Variants in FOCAD observed in about 807,000 individuals in gnomAD.
FOCAD encodes the protein focadhesin, also known as KIAA1797.
FOCAD carries 198 observed loss-of-function variants against 225.6 expected under a neutral mutation model. The observed-to-expected ratio is 0.88, with a 90% CI of 0.78 to 0.99. FOCAD has a LOEUF of 0.99. Ranked by LOEUF, FOCAD falls within the 50% of genes least tolerant of loss-of-function variation. FOCAD has a pLI of 0.00. For synonymous variants in FOCAD, 897 were observed against 755.0 expected (o/e 1.19, Z -3.08); for missense variants, 2,713 against 2,123.6 (o/e 1.28, Z -5.46).
chr9:20,889,019 A>G (rs531012162), intron 21 of FOCAD, among the ~76,000 whole-genome samples: 2 of 152,200 alleles, frequency 1.3e-5, no homozygotes, highest in Non-Finnish European at 2.9e-5. Flanking sequence ...TAAAGTATAC[A>G]ACTCAGTGGT....
In FOCAD at chr9:20,741,897, G is replaced by A. The variant is rs147702157; in HGVS notation, c.392+1557G>A. Among the ~76,000 whole-genome samples, 60 of 151,962 alleles carry A rather than the reference G, an allele frequency of 3.9e-4. No individual in the cohort carries two copies. The East Asian group carries it at 0.011, about 27-fold the overall frequency. ...TTCAATTTAGTTGTTGTTAAGATGG[G>A]CTTATTTATTTCTAAATAGGGAAGC... On this transcript the variant is annotated intron_variant, in intron 5 of 43. Coordinates refer to ENST00000338382, the MANE Select transcript of FOCAD (RefSeq NM_001375567.1).
intron 5 of FOCAD, among the ~76,000 whole-genome samples, chr9:20,741,057 G>C (rs747250729): frequency 1.3e-5 from 2 of 152,158 alleles, no homozygotes; most frequent in Non-Finnish European, 2.9e-5. Flanking sequence ...TCTGTTCAGT[G>C]AGGCATTCAG....
chr9:20,879,269 C>G (rs1048523295), intron 19 of FOCAD, among the ~76,000 whole-genome samples: 6 of 152,162 alleles, frequency 3.9e-5, no homozygotes, highest in Admixed American at 2.6e-4. Context: ...CTGTGTACAA[C>G]TGAAAATGCA....
chr9:20,720,180 T>C (rs1451340654), intron 3 of FOCAD, among the ~76,000 whole-genome samples, 200 bp from the exon 4 acceptor site: 1 of 152,192 alleles, frequency 6.6e-6, no homozygotes, highest in African/African-American at 2.4e-5. Context: ...GAGAGAGAGT[T>C]GCTGTATCAA....
upstream of FOCAD, among the ~76,000 whole-genome samples, chr9:20,683,698 C>T (rs1822482513): frequency 6.6e-6 from 1 of 152,164 alleles, no homozygotes; most frequent in Admixed American, 6.5e-5. Flanking sequence ...GGATATACCA[C>T]AGTGGCGTGG....
intron 1 of FOCAD, among the ~76,000 whole-genome samples, chr9:20,712,960 T>A (rs191852016): frequency 1.3e-5 from 2 of 152,250 alleles, no homozygotes; most frequent in East Asian, 3.9e-4. Flanking sequence ...CTCGAACTCC[T>A]GACTTCAGGT....
intron 4 of FOCAD, among the ~76,000 whole-genome samples, chr9:20,736,530 A>C (rs966721629): frequency 5.3e-5 from 8 of 152,204 alleles, no homozygotes; most frequent in African/African-American, 1.9e-4. Flanking sequence ...GAGATGGAAA[A>C]TACTAGAGAT....
chr9:20,748,128 T>TA (rs770921534), intron 5 of FOCAD, among the ~76,000 whole-genome samples: 6 of 152,100 alleles, frequency 3.9e-5, no homozygotes, highest in Non-Finnish European at 8.8e-5. Context: ...TGGTTTTACT[T>TA]AGCATAATGT....
upstream of FOCAD, among the ~76,000 whole-genome samples, chr9:20,681,185 A>G (rs1393934560): frequency 3.9e-5 from 6 of 152,252 alleles, no homozygotes; most frequent in African/African-American, 1.4e-4. Flanking sequence ...GAGTTCCAAC[A>G]TAAGACTTTA....
Position 20,935,742 on chromosome 9 carries a change from T to C in FOCAD, c.3407+2639T>C, listed in dbSNP as rs541563415. On this transcript the variant is annotated intron_variant, in intron 28 of 43. Transcript: ENST00000338382. ...ATTTGTTGAGGCCATTTGAATTTGATTGGGCTAAGAGGGCCTTTGACCGAT... is the reference window on the plus strand; with the variant it reads ...ATTTGTTGAGGCCATTTGAATTTGACTGGGCTAAGAGGGCCTTTGACCGAT... Among the ~76,000 whole-genome samples the C allele has an allele frequency of 7.2e-5, 11 of 152,316 alleles. No individual in the cohort carries two copies. In the East Asian group the frequency reaches 1.7e-3, roughly 24 times the overall value.
rs62557521 is a variant in FOCAD at position 20,754,916 on chromosome 9, G to A, written c.393-3174G>A. ...ATCCATTATATTACGTGAGCCTAAGGCTTTATGGATTATTTTATATATGTA... is the reference window on the plus strand; with the variant it reads ...ATCCATTATATTACGTGAGCCTAAGACTTTATGGATTATTTTATATATGTA... On this transcript the variant is annotated intron_variant, in intron 5 of 43. Coordinates refer to ENST00000338382, the MANE Select transcript of FOCAD (RefSeq NM_001375567.1). Among the ~76,000 whole-genome samples the A allele has an allele frequency of 4.0e-3, 612 of 152,194 alleles. 4 individuals carry two copies. Among genetic ancestry groups the A allele is most frequent in the Non-Finnish European group, 5.8e-3 (397 of 68,020 alleles).
upstream of FOCAD, among the ~76,000 whole-genome samples, chr9:20,679,939 C>G (rs896612162): frequency 1.3e-5 from 2 of 152,220 alleles, no homozygotes; most frequent in South Asian, 2.1e-4. Context: ...CACCCTCTCT[C>G]TGCTGTTTCT....
At chr9:20,888,139 C>CTTT (rs1377523100) in intron 21 of FOCAD, among the ~76,000 whole-genome samples, 9 of 45,624 alleles carry the variant, frequency 2.0e-4, no homozygotes, top group African/African-American at 2.7e-4. Flanking sequence ...TTTTTTTCTT[C>CTTT]TTTTTTTTTT....
Position 20,804,726 on chromosome 9 carries a change from C to T in FOCAD, c.1456-15070C>T, listed in dbSNP as rs149983588. Among the ~76,000 whole-genome samples, 190 of 152,164 alleles carry T rather than the reference C, an allele frequency of 1.2e-3. 1 individual carries two copies. The highest frequency in any genetic ancestry group is 4.3e-3 in the African/African-American group (179 of 41,510). On this transcript the variant is annotated intron_variant, in intron 11 of 43. Transcript: ENST00000338382. ...CAAGATCTATTACCGTTATTAGAGACTCTGGAGGACATTCACCCTTTTATG... is the reference window on the plus strand; with the variant it reads ...CAAGATCTATTACCGTTATTAGAGATTCTGGAGGACATTCACCCTTTTATG...
At chr9:20,850,771 A>G (rs1430143203) in intron 15 of FOCAD, among the ~76,000 whole-genome samples, 4 of 150,746 alleles carry the variant, frequency 2.7e-5, no homozygotes, top group Non-Finnish European at 4.4e-5. Flanking sequence ...ATTGCTCTTT[A>G]ATATTATTTC....
intron 1 of FOCAD, among the ~76,000 whole-genome samples, chr9:20,689,450 G>A (rs937014555): frequency 3.3e-5 from 5 of 152,004 alleles, no homozygotes; most frequent in Non-Finnish European, 5.9e-5. Flanking sequence ...AAAGTACAGC[G>A]GGTGGGGGTG....
At chr9:20,838,429 C>G (rs1826199606) in intron 15 of FOCAD, among the ~76,000 whole-genome samples, 1 of 152,070 alleles carries the variant, frequency 6.6e-6, no homozygotes, top group African/African-American at 2.4e-5. Context: ...CCATGGCACA[C>G]TGCCTCTACT....
intron 21 of FOCAD, among the ~76,000 whole-genome samples, chr9:20,890,903 C>G (rs1406157427): frequency 3.9e-5 from 6 of 152,076 alleles, no homozygotes; most frequent in African/African-American, 1.2e-4. Context: ...CCTACAGACA[C>G]ACCTCATTTT....
chr9:20,761,020 T>TG (rs146890113), intron 6 of FOCAD, among the ~76,000 whole-genome samples: 7,104 of 149,624 alleles, frequency 0.047, 199 homozygotes, highest in African/African-American at 0.084. Context: ...CTAGATTTTT[T>TG]GGGGGGGGGC....
Sources: gnomAD v4.1 joint callset for allele counts (sites outside exome capture counted in the v4.1 genomes callset) on GRCh38, gnomAD v4.1.1 for gene constraint, MANE v1.5 for transcripts, NCBI Gene and HGNC (gene_info 2026-07-23, HGNC 2026-07-21) for gene names.